The following MID1 variants were observed in gnomAD, a reference collection of about 807,000 sequenced individuals.
The protein encoded by MID1 is midline 1.
In MID1, 7 loss-of-function variants were observed where a neutral mutation model predicts 40.4. The ratio of observed to expected loss-of-function variants is 0.17; its 90% confidence interval spans 0.10 to 0.33. The LOEUF (loss-of-function observed/expected upper bound fraction) is 0.33. Among genes scored for constraint, MID1 ranks in the 10% least tolerant of loss-of-function variants. The probability of loss-of-function intolerance (pLI) is 1.00; values close to 1 mark genes in which losing one functional copy is unlikely to be tolerated. For missense variants in MID1, 367 were observed against 558.5 expected, an observed-to-expected ratio of 0.66 and a Z score of 3.46; for synonymous variants, 229 against 221.2, an observed-to-expected ratio of 1.04 and a Z score of -0.31.
chrX:10,608,049 T>A (rs1935658395), intron 1 of MID1, among the ~76,000 whole-genome samples: 2 of 112,233 alleles, frequency 1.8e-5, no homozygotes, highest in African/African-American at 6.5e-5. Context: ...CCAATACAAA[T>A]GAGACACCAC....
Position 10,809,002 on chromosome X carries a change from G to T in MID1, c.-187+24552C>A, listed in dbSNP as rs189334687. ...AGAGTGAACAGGCAACCTACAGAAT[G>T]GGGGAAAAATTTTGCAATCTACTCA... On this transcript the variant is annotated intron_variant, in intron 1 of 10. Transcript: ENST00000380785. Among the ~76,000 whole-genome samples the T allele has an allele frequency of 3.2e-3, 356 of 111,546 alleles. 6 individuals are homozygous for T. The highest frequency in any genetic ancestry group is 0.011 in the African/African-American group (338 of 30,639).
At chrX:10,618,465 A>G (rs1376805188) in intron 1 of MID1, among the ~76,000 whole-genome samples, 1 of 111,825 alleles carries the variant, frequency 8.9e-6, no homozygotes, top group Admixed American at 9.5e-5. Context: ...TTGGATGAAC[A>G]ATGATCCTGT....
intron 1 of MID1, among the ~76,000 whole-genome samples, chrX:10,767,547 G>T (rs1195112497): frequency 1.8e-5 from 2 of 111,179 alleles, no homozygotes; most frequent in African/African-American, 6.6e-5. Context: ...TCTCAATCTC[G>T]TGACCTCGTG....
chrX:10,830,256 CA>C (rs1569180856), intron 1 of MID1, among the ~76,000 whole-genome samples: 3 of 112,336 alleles, frequency 2.7e-5, no homozygotes, highest in Non-Finnish European at 5.6e-5. Flanking sequence ...GAACGATTAG[CA>C]AAAGAGTGAG....
At chrX:10,494,771 C>CAAAAAAA (rs58092232) in intron 4 of MID1, among the ~76,000 whole-genome samples, 1 of 31,961 alleles carries the variant, frequency 3.1e-5, no homozygotes, top group Non-Finnish European at 7.1e-5. Flanking sequence ...AAGACTGTCT[C>CAAAAAAA]AAAAAAAAAA....
At chrX:10,725,195 A>G (rs2043381443) in intron 1 of MID1, among the ~76,000 whole-genome samples, 1 of 111,604 alleles carries the variant, frequency 9.0e-6, no homozygotes, top group African/African-American at 3.3e-5. Flanking sequence ...TAGAAATCCA[A>G]CTGTGTTCAC....
In MID1 at chrX:10,515,743, G is replaced by A. The variant is rs1301886321; in HGVS notation, c.756+7349C>T. ...TGGCCACCCTTTCCCAGTTGTTCTTGGCCATCATCTTTAGAGTCACTGGCA... is the reference window on the plus strand; with the variant it reads ...TGGCCACCCTTTCCCAGTTGTTCTTAGCCATCATCTTTAGAGTCACTGGCA... On this transcript the variant is annotated intron_variant, in intron 3 of 9. Coordinates refer to ENST00000317552, the MANE Select transcript of MID1 (RefSeq NM_000381.4). Among the ~76,000 whole-genome samples the A allele has an allele frequency of 2.7e-5, 3 of 111,647 alleles. No individual in the cohort carries two copies. In the South Asian group the frequency reaches 1.1e-3, roughly 42 times the overall value.
chrX:10,615,219 A>G (rs1935818577), intron 1 of MID1, among the ~76,000 whole-genome samples: 2 of 111,844 alleles, frequency 1.8e-5, no homozygotes, highest in African/African-American at 3.2e-5. Flanking sequence ...TTGACCATGG[A>G]AAAACCTACA....
chrX:10,785,082 A>C (rs1486068714), intron 1 of MID1, among the ~76,000 whole-genome samples: 1 of 111,524 alleles, frequency 9.0e-6, no homozygotes, highest in African/African-American at 3.3e-5. Context: ...GTCTCAGCCC[A>C]AAATCTCCTT....
At chrX:10,513,728 C>T (rs987159510) in intron 3 of MID1, among the ~76,000 whole-genome samples, 1 of 111,656 alleles carries the variant, frequency 9.0e-6, no homozygotes, top group African/African-American at 3.3e-5. Context: ...GGGCTGGTCT[C>T]GAACTCCTGA....
intron 2 of MID1, among the ~76,000 whole-genome samples, chrX:10,555,796 C>G (rs1292850120): frequency 9.0e-6 from 1 of 110,540 alleles, no homozygotes; most frequent in Non-Finnish European, 1.9e-5. Context: ...GGATTTTCCC[C>G]CTCAATAAAT....
intron 4 of MID1, among the ~76,000 whole-genome samples, chrX:10,483,339 A>G (rs1051067907): frequency 8.9e-6 from 1 of 111,914 alleles, no homozygotes; most frequent in African/African-American, 3.3e-5. Flanking sequence ...CCCAGTTGGG[A>G]TAAAAACGCA....
intron 1 of MID1, among the ~76,000 whole-genome samples, chrX:10,833,305 T>C (rs893165010): frequency 4.5e-5 from 5 of 112,074 alleles, no homozygotes; most frequent in African/African-American, 1.6e-4. Context: ...CACGACAGTA[T>C]AGAAACGCTT....
intron 1 of MID1, among the ~76,000 whole-genome samples, chrX:10,761,242 TACACAC>T (rs61485561): frequency 9.2e-6 from 1 of 108,701 alleles, no homozygotes; most frequent in Non-Finnish European, 1.9e-5. Flanking sequence ...TCCTTCATTT[TACACAC>T]ACACACACAC....
At chrX:10,754,686 G>T (rs748917798) in intron 1 of MID1, among the ~76,000 whole-genome samples, 5 of 111,010 alleles carry the variant, frequency 4.5e-5, no homozygotes, top group African/African-American at 1.6e-4. Context: ...GCGATTAGCC[G>T]GGTGTGTGGG....
Position 10,523,162 on chromosome X carries a change from T to C in MID1, c.686A>G (p.Asn229Ser), listed in dbSNP as rs202082858. ...CAGTTCTGTGTTCCTCTTAATAAGG[T>C]TGGTGAGGTTACTCTCTAAGTTTTG... ...LKQNLESNLTNLIKRNTELET... is the reference protein window; with the variant it reads ...LKQNLESNLTSLIKRNTELET... Residue 229 changes from asparagine (N) to serine (S), a missense_variant, in exon 3 of 10, where the codon AAC becomes AGC. Physicochemically the swap from Asn to Ser is conservative, Grantham distance 46. Coordinates refer to ENST00000317552, the MANE Select transcript of MID1 (RefSeq NM_000381.4). 2.5e-5 allele frequency: 30 copies of C among 1,190,510 alleles called. No homozygotes were observed. The African/African-American group carries it at 3.1e-4, about 12-fold the overall frequency.
chrX:10,580,958 A>AC (rs869112060), intron 1 of MID1, among the ~76,000 whole-genome samples: 1 of 107,462 alleles, frequency 9.3e-6, no homozygotes, highest in African/African-American at 3.4e-5. Flanking sequence ...AAAAAAAAAA[A>AC]CATGTAGAGG....
At chrX:10,727,838 T>C (rs762791626) in intron 1 of MID1, among the ~76,000 whole-genome samples, 1 of 112,092 alleles carries the variant, frequency 8.9e-6, no homozygotes, top group Non-Finnish European at 1.9e-5. Flanking sequence ...TGGCCTTTCC[T>C]GGGAAATGTG....
At chrX:10,809,184 T>C (rs1452405845) in intron 1 of MID1, among the ~76,000 whole-genome samples, 4 of 111,811 alleles carry the variant, frequency 3.6e-5, no homozygotes, top group East Asian at 5.6e-4. Context: ...AAAATGCTCA[T>C]CATCACTGGC....
Sources: gnomAD v4.1 joint callset for allele counts (sites outside exome capture counted in the v4.1 genomes callset) on GRCh38, gnomAD v4.1.1 for gene constraint, MANE v1.5 for transcripts, NCBI Gene and HGNC (gene_info 2026-07-23, HGNC 2026-07-21) for gene names.